The following UBAC2 variants were observed in gnomAD, a reference collection of about 807,000 sequenced individuals.
The protein encoded by UBAC2 is ubiquitin-associated domain-containing protein 2.
In UBAC2, 26 loss-of-function variants were observed where a neutral mutation model predicts 44.0. The observed-to-expected ratio is 0.59, with a 90% CI of 0.43 to 0.82. UBAC2 has a LOEUF of 0.82. Among genes scored for constraint, UBAC2 ranks in the 40% least tolerant of loss-of-function variants. The pLI, the probability that UBAC2 is intolerant of heterozygous loss-of-function variation, is 0.00. For synonymous variants in UBAC2, 155 were observed against 154.3 expected (o/e 1.00, Z -0.04); for missense variants, 329 against 419.4 (o/e 0.78, Z 1.88).
chr13:99,240,796 C>T (rs757025009), intron 2 of UBAC2, among the ~76,000 whole-genome samples: 2 of 152,218 alleles, frequency 1.3e-5, no homozygotes, highest in South Asian at 4.1e-4. Context: ...CTCTGGTGGC[C>T]AGTACAGTCA....
chr13:99,358,735 C>CG (rs1477273931), intron 7 of UBAC2, among the ~76,000 whole-genome samples: 1 of 151,998 alleles, frequency 6.6e-6, no homozygotes, highest in African/African-American at 2.4e-5. Context: ...GAGACAGTGG[C>CG]GGGGGAGTTC....
intron 8 of UBAC2, among the ~76,000 whole-genome samples, chr13:99,369,839 A>G (rs956974260): frequency 6.6e-6 from 1 of 152,266 alleles, no homozygotes; most frequent in African/African-American, 2.4e-5. Context: ...ATGTCCTTGT[A>G]ACATATGCAG....
At chr13:99,272,141 C>T (rs1378008576) in intron 4 of UBAC2, among the ~76,000 whole-genome samples, 1 of 152,166 alleles carries the variant, frequency 6.6e-6, no homozygotes, top group Admixed American at 6.5e-5. Context: ...TTAAGGTCAC[C>T]TCTTTTAGCT....
chr13:99,347,366 G>T (rs1299696058), intron 7 of UBAC2, among the ~76,000 whole-genome samples: 1 of 124,284 alleles, frequency 8.0e-6, no homozygotes, highest in Non-Finnish European at 1.6e-5. Flanking sequence ...GATGATACTG[G>T]AAGACCACCA....
intron 1 of UBAC2, among the ~76,000 whole-genome samples, chr13:99,226,163 G>C (rs1490721558): frequency 6.6e-6 from 1 of 152,326 alleles, no homozygotes; most frequent in South Asian, 2.1e-4. Flanking sequence ...GTAGAGAGGA[G>C]AGAGAGACCT....
intron 4 of UBAC2, among the ~76,000 whole-genome samples, chr13:99,306,051 G>A (rs773388616): frequency 5.9e-5 from 9 of 151,988 alleles, no homozygotes; most frequent in Admixed American, 2.0e-4. Flanking sequence ...GAGTGCCACC[G>A]TGCCTGGCTA....
At chr13:99,357,669 C>T (rs2045206904) in intron 7 of UBAC2, among the ~76,000 whole-genome samples, 1 of 152,174 alleles carries the variant, frequency 6.6e-6, no homozygotes, top group East Asian at 1.9e-4. Context: ...TTCTTTGTAA[C>T]TCCTGGTTCT....
At chr13:99,245,471 T>C (rs569784161) in intron 4 of UBAC2, among the ~76,000 whole-genome samples, 1 of 151,824 alleles carries the variant, frequency 6.6e-6, no homozygotes, top group Non-Finnish European at 1.5e-5. Context: ...TGATCTTCTT[T>C]AAAAAAAACA....
In UBAC2 at chr13:99,266,777, C is replaced by G. The variant is rs546386656; in HGVS notation, c.389+22153C>G. 6.6e-5 allele frequency among the ~76,000 whole-genome samples: 10 copies of G among 152,252 alleles called. No individual in the cohort carries two copies. In the East Asian group the frequency reaches 1.9e-3, roughly 29 times the overall value. ...TAAGTTCATTCACACTGCTGTGCAG[C>G]CAACCTCCAGGACATTTTCATCTTC... On this transcript the variant is annotated intron_variant, in intron 4 of 8. Coordinates refer to ENST00000403766, the MANE Select transcript of UBAC2 (RefSeq NM_001144072.2).
intron 1 of UBAC2, among the ~76,000 whole-genome samples, chr13:99,214,988 T>G (rs565928525): frequency 7.0e-6 from 1 of 143,746 alleles, no homozygotes; most frequent in African/African-American, 2.5e-5. Context: ...TTTCTTTTTG[T>G]TTTTTTTTTT....
chr13:99,324,997 A>T (rs141913193), intron 6 of UBAC2, among the ~76,000 whole-genome samples: 1 of 152,254 alleles, frequency 6.6e-6, no homozygotes, highest in East Asian at 1.9e-4. Context: ...TGTCCTTATC[A>T]TTAAGCAACA....
At chr13:99,231,204 C>T (rs886073399) in intron 1 of UBAC2, among the ~76,000 whole-genome samples, 5 of 152,122 alleles carry the variant, frequency 3.3e-5, no homozygotes, top group African/African-American at 9.7e-5. Flanking sequence ...GGGATTAGGA[C>T]GTGGACCTCC....
At chr13:99,228,172 C>A (rs761941749) in intron 1 of UBAC2, among the ~76,000 whole-genome samples, 2 of 152,238 alleles carry the variant, frequency 1.3e-5, no homozygotes, top group African/African-American at 2.4e-5. Context: ...GTTGCACTTA[C>A]ATCACCCCTG....
chr13:99,210,768 C>T (rs558039863), intron 1 of UBAC2, among the ~76,000 whole-genome samples: 34 of 152,132 alleles, frequency 2.2e-4, no homozygotes, highest in African/African-American at 7.0e-4. Context: ...TGAACCACCA[C>T]GCCTGACCTA....
rs141947371 is a variant in UBAC2, at chr13:99,283,314, A to G, written c.390-30783A>G. Among the ~76,000 whole-genome samples the G allele has an allele frequency of 7.4e-3, 1,124 of 152,328 alleles. 10 individuals are homozygous for G. Among genetic ancestry groups the G allele is most frequent in the South Asian group, 0.055 (267 of 4,830 alleles). ...TTATTTGCTGTATAAATAAATGACAATACCAAGGATAGGTTTGTTAATATC... is the reference window on the plus strand; with the variant it reads ...TTATTTGCTGTATAAATAAATGACAGTACCAAGGATAGGTTTGTTAATATC... On this transcript the variant is annotated intron_variant, in intron 4 of 8. Transcript: ENST00000403766.
At chr13:99,359,865 C>G (rs1199669899) in intron 7 of UBAC2, among the ~76,000 whole-genome samples, 1 of 152,230 alleles carries the variant, frequency 6.6e-6, no homozygotes, top group Non-Finnish European at 1.5e-5. Context: ...ACCTTCCCTG[C>G]ATGGTGGCCT....
chr13:99,283,852 A>G (rs1262460464), intron 4 of UBAC2, among the ~76,000 whole-genome samples: 1 of 148,450 alleles, frequency 6.7e-6, no homozygotes, highest in Non-Finnish European at 1.5e-5. Context: ...CTCCTGCCTC[A>G]GCCTCCTGAG....
At chr13:99,298,839 T>C (rs753448119) in intron 4 of UBAC2, among the ~76,000 whole-genome samples, 2 of 152,184 alleles carry the variant, frequency 1.3e-5, no homozygotes, top group African/African-American at 2.4e-5. Context: ...AGGTGAAAAT[T>C]CCAGGCAAGG....
chr13:99,350,911 A>T (rs935355862), intron 7 of UBAC2, among the ~76,000 whole-genome samples: 2 of 152,210 alleles, frequency 1.3e-5, no homozygotes, highest in African/African-American at 4.8e-5. Flanking sequence ...GCTGGTGTCC[A>T]CTGGAGCACT....
Sources: allele counts gnomAD v4.1 joint callset (sites outside exome capture counted in the v4.1 genomes callset), GRCh38; gene constraint gnomAD v4.1.1; transcripts MANE v1.5; gene names NCBI Gene and HGNC (gene_info 2026-07-23, HGNC 2026-07-21).